The following GABRG3 variants were observed in gnomAD, a reference collection of about 807,000 sequenced individuals.
GABRG3 encodes the protein gamma-aminobutyric acid type A receptor subunit gamma3.
In GABRG3, 25 loss-of-function variants were observed where a neutral mutation model predicts 48.8. The ratio of observed to expected loss-of-function variants is 0.51; its 90% CI spans 0.37 to 0.72. The LOEUF (loss-of-function observed/expected upper bound fraction) is 0.72, where lower values mean the gene tolerates loss of function less well. Among genes scored for constraint, GABRG3 ranks in the 30% least tolerant of loss-of-function variants. GABRG3 has a pLI of 0.00. For missense variants in GABRG3, 394 were observed against 577.9 expected (o/e 0.68, Z 3.26); for synonymous variants, 227 against 217.6 (o/e 1.04, Z -0.38).
intron 3 of GABRG3, among the ~76,000 whole-genome samples, chr15:27,189,730 C>G (rs1013999078): frequency 6.6e-6 from 1 of 151,808 alleles, no homozygotes; most frequent in African/African-American, 2.4e-5. Flanking sequence ...TTCCTTCTGC[C>G]TAATTGCCGT....
chr15:27,054,784 G>A (rs756961890), intron 3 of GABRG3, among the ~76,000 whole-genome samples: 1 of 152,104 alleles, frequency 6.6e-6, no homozygotes, highest in African/African-American at 2.4e-5. Flanking sequence ...TGTATCGAGC[G>A]GGGAGGAACA....
chr15:27,177,216 T>A (rs932640644), intron 3 of GABRG3, among the ~76,000 whole-genome samples: 6 of 152,160 alleles, frequency 3.9e-5, no homozygotes, highest in African/African-American at 1.4e-4. Flanking sequence ...TTGAGTCAGA[T>A]CCTTGGTATG....
intron 3 of GABRG3, among the ~76,000 whole-genome samples, chr15:27,154,652 T>C (rs1320575558): frequency 6.6e-6 from 1 of 152,224 alleles, no homozygotes; most frequent in East Asian, 1.9e-4. Context: ...TTTTGAATAT[T>C]GCATCAGCCA....
chr15:27,141,462 T>G (rs1308426788), intron 3 of GABRG3, among the ~76,000 whole-genome samples: 1 of 152,174 alleles, frequency 6.6e-6, no homozygotes, highest in Non-Finnish European at 1.5e-5. Context: ...AAGATTGGAT[T>G]TAGGACTCAG....
chr15:27,428,695 G>C (rs1317885958), intron 5 of GABRG3, among the ~76,000 whole-genome samples: 1 of 152,214 alleles, frequency 6.6e-6, no homozygotes, highest in Non-Finnish European at 1.5e-5. Context: ...AAATGAAGCA[G>C]AGACAAACTT....
At chr15:27,031,515 A>G (rs1896086694) in intron 3 of GABRG3, among the ~76,000 whole-genome samples, 1 of 152,238 alleles carries the variant, frequency 6.6e-6, no homozygotes, top group African/African-American at 2.4e-5. Flanking sequence ...AGCCACTGTA[A>G]TGTGACTATA....
chr15:27,350,667 G>A (rs1044318523), intron 5 of GABRG3, among the ~76,000 whole-genome samples: 1 of 152,136 alleles, frequency 6.6e-6, no homozygotes, highest in African/African-American at 2.4e-5. Context: ...GAGGATGGAC[G>A]GTGCATGATG....
In GABRG3 at chr15:27,077,780, C is replaced by G. The variant is rs566761687; in HGVS notation, c.270+50959C>G. Among the ~76,000 whole-genome samples, 3 of 152,298 alleles carry G rather than the reference C, an allele frequency of 2.0e-5. No homozygotes were observed. In the South Asian group the frequency reaches 6.2e-4, roughly 32 times the overall value. On this transcript the variant is annotated intron_variant, in intron 3 of 9. Transcript: ENST00000615808. Reference sequence around the variant, plus strand: ...ATTACTCTGGAAATGAAAGGAAGGACTTTTTTTCTCTCTTGTCCTAAACAG... The same window carrying G: ...ATTACTCTGGAAATGAAAGGAAGGAGTTTTTTTCTCTCTTGTCCTAAACAG...
chr15:27,270,893 G>A (rs1473591481), intron 3 of GABRG3, among the ~76,000 whole-genome samples: 5 of 152,132 alleles, frequency 3.3e-5, no homozygotes, highest in Admixed American at 6.5e-5. Context: ...TTTTAAAAAG[G>A]TGATGCACCA....
rs185665091 is a variant in GABRG3, at chr15:27,141,683, A to G, written c.270+114862A>G. Among the ~76,000 whole-genome samples the G allele has an allele frequency of 2.6e-5, 4 of 152,326 alleles. No homozygotes were observed. In the East Asian group the frequency reaches 5.8e-4, roughly 22 times the overall value. The stretch of plus-strand genomic sequence containing the variant: ...GCAGTTAACAAACTTCTTATTTACC[A>G]TAAAGTATTTAATAAAAAATATGTC... On this transcript the variant is annotated intron_variant, in intron 3 of 9. Coordinates refer to ENST00000615808, the MANE Select transcript of GABRG3 (RefSeq NM_033223.5).
intron 5 of GABRG3, among the ~76,000 whole-genome samples, chr15:27,340,212 T>C (rs1046341788): frequency 4.0e-5 from 6 of 151,866 alleles, no homozygotes; most frequent in African/African-American, 1.2e-4. Flanking sequence ...ACCATGGGAG[T>C]GTTGTGGCTA....
intron 3 of GABRG3, among the ~76,000 whole-genome samples, chr15:27,103,186 T>G (rs538100298): frequency 2.0e-5 from 3 of 152,334 alleles, no homozygotes; most frequent in African/African-American, 7.2e-5. Context: ...CTTGGAAGGT[T>G]CTGGGCCTGC....
chr15:27,334,267 G>C (rs1452708473), intron 5 of GABRG3, among the ~76,000 whole-genome samples: 1 of 152,080 alleles, frequency 6.6e-6, no homozygotes, highest in Non-Finnish European at 1.5e-5. Context: ...TTTCTAAAGA[G>C]AGGTATCTCT....
chr15:27,437,948 A>T (rs1485431158), intron 5 of GABRG3, among the ~76,000 whole-genome samples: 1 of 152,158 alleles, frequency 6.6e-6, no homozygotes, highest in African/African-American at 2.4e-5. Flanking sequence ...GCTCTCTCCA[A>T]AACAAGTATA....
intron 5 of GABRG3, among the ~76,000 whole-genome samples, chr15:27,474,385 A>G (rs1482306245): frequency 6.6e-6 from 1 of 152,236 alleles, no homozygotes; most frequent in Non-Finnish European, 1.5e-5. Flanking sequence ...AATTTAATAT[A>G]AGAATGCTAA....
At chr15:27,504,873 T>A (rs1179309905) in intron 6 of GABRG3, among the ~76,000 whole-genome samples, 1 of 152,218 alleles carries the variant, frequency 6.6e-6, no homozygotes, top group Non-Finnish European at 1.5e-5. Flanking sequence ...TAAAAATTTC[T>A]CCTTTGAAAT....
At chr15:27,167,200 G>A (rs1007325413) in intron 3 of GABRG3, among the ~76,000 whole-genome samples, 1 of 152,142 alleles carries the variant, frequency 6.6e-6, no homozygotes, top group Non-Finnish European at 1.5e-5. Context: ...CCATGCCCGA[G>A]GTCCCCTGGG....
chr15:27,328,297 C>T (rs73363182), intron 4 of GABRG3, among the ~76,000 whole-genome samples: 2,533 of 152,276 alleles, frequency 0.017, 59 homozygotes, highest in African/African-American at 0.057. Context: ...TCTGGAACCC[C>T]GTGTAGACAC....
At chr15:27,003,201 A>ATACTTATT (rs1895488624) in intron 2 of GABRG3, among the ~76,000 whole-genome samples, 1 of 139,190 alleles carries the variant, frequency 7.2e-6, no homozygotes, top group Non-Finnish European at 1.6e-5. Context: ...TTTTTATTTT[A>ATACTTATT]TATTTATTTA....
Sources: allele counts gnomAD v4.1 joint callset (sites outside exome capture counted in the v4.1 genomes callset), GRCh38; gene constraint gnomAD v4.1.1; transcripts MANE v1.5; gene names NCBI Gene and HGNC (gene_info 2026-07-23, HGNC 2026-07-21).